Variants in RBM19 observed in about 807,000 individuals in gnomAD.
RBM19 encodes the protein RNA binding motif protein 19.
Under a neutral mutation model 116.8 loss-of-function variants are expected in RBM19, and 94 were observed. That is an observed-to-expected ratio of 0.80 (90% CI 0.68 to 0.95). The LOEUF (loss-of-function observed/expected upper bound fraction) is 0.95. RBM19 is among the 40% of genes least tolerant of loss of function. The pLI is 0.00. For synonymous variants in RBM19, 475 were observed against 494.1 expected (o/e 0.96, Z 0.51); for missense variants, 1,161 against 1,220.7 (o/e 0.95, Z 0.73).
chr12:113,948,408 G>A (rs1871216878), intron 10 of RBM19, among the ~76,000 whole-genome samples: 1 of 152,172 alleles, frequency 6.6e-6, no homozygotes, highest in African/African-American at 2.4e-5. Context: ...TGGATAAGAA[G>A]ACTTTACATA....
intron 6 of RBM19, 68 bp from the exon 7 acceptor site, chr12:113,955,279 A>C: frequency 6.8e-7 from 1 of 1,468,056 alleles, no homozygotes; most frequent in Non-Finnish European, 9.5e-7. Context: ...GAGGTGGCAC[A>C]CTGGGACATT....
chr12:113,875,161 C>T (rs561734406), intron 21 of RBM19, among the ~76,000 whole-genome samples: 2 of 152,320 alleles, frequency 1.3e-5, no homozygotes, highest in Non-Finnish European at 2.9e-5. Flanking sequence ...AGCACGGGAG[C>T]GAGTGATTCA....
chr12:113,943,220 TGTCA>T (rs1487275912), intron 13 of RBM19, among the ~76,000 whole-genome samples: 1 of 152,234 alleles, frequency 6.6e-6, no homozygotes, highest in African/African-American at 2.4e-5. Flanking sequence ...TCTGCTAATG[TGTCA>T]GTGTCTTTTC....
intron 21 of RBM19, among the ~76,000 whole-genome samples, chr12:113,906,337 A>G (rs1882042919): frequency 6.6e-6 from 1 of 152,260 alleles, no homozygotes. Flanking sequence ...AAATAGAATG[A>G]TGATCAAAGA....
intron 21 of RBM19, among the ~76,000 whole-genome samples, chr12:113,912,200 CGGGGT>C: frequency 6.6e-6 from 1 of 152,192 alleles, no homozygotes. Context: ...CTCCAGCAGG[CGGGGT>C]AGCTTGAGGC....
intron 21 of RBM19, among the ~76,000 whole-genome samples, chr12:113,862,310 G>A (rs1411314833): frequency 1.3e-5 from 2 of 152,140 alleles, no homozygotes; most frequent in Non-Finnish European, 2.9e-5. Flanking sequence ...CAAAATCGAG[G>A]CGAGATCTTT....
chr12:113,927,178 T>C lies in RBM19; in HGVS notation c.2120A>G (p.Asp707Gly), dbSNP rs889934503. Residue 707 changes from aspartate to glycine, a missense_variant, in exon 17 of 24, where the codon GAC becomes GGC. By Grantham distance (94) the Asp-to-Gly change is moderately conservative. Coordinates refer to ENST00000261741, the MANE Select transcript of RBM19 (RefSeq NM_016196.4). ...CTCTTCCATCTTTGCTGAAGAGTTG[T>C]CTGCTCCTTCCTCTGTTGGATTTTC... Reference protein sequence around the residue: ...EDENPTEEGADNSSAKMEEEE... With the variant: ...EDENPTEEGAGNSSAKMEEEE... The C allele has an allele frequency of 2.5e-6, 4 of 1,591,046 alleles. No homozygotes were observed. Among genetic ancestry groups the C allele is most frequent in the Non-Finnish European group, 3.4e-6 (4 of 1,168,050 alleles).
At chr12:113,859,053 A>G (rs1213781192) in intron 21 of RBM19, 157 bp from the exon 22 acceptor site, 3 of 669,216 alleles carry the variant, frequency 4.5e-6, no homozygotes, top group Non-Finnish European at 7.8e-6. Flanking sequence ...CAGGGGCATG[A>G]GCAGCCTTCT....
intron 13 of RBM19, among the ~76,000 whole-genome samples, chr12:113,944,393 C>G (rs117257561): frequency 0.041 from 6,300 of 151,982 alleles, 331 homozygotes; most frequent in Admixed American, 0.15. Flanking sequence ...CCACCGTTCC[C>G]AACCCAGATG....
Position 113,927,171 on chromosome 12 carries a change from A to G in RBM19, c.2127T>C (p.Ser709=). 6.3e-7 allele frequency: 1 copy of G among 1,596,706 alleles called. No homozygotes were observed. Among genetic ancestry groups the G allele is most frequent in the East Asian group, 2.3e-5 (1 of 44,340 alleles). The part of the protein sequence containing the change: ...ENPTEEGADN[S]SAKMEEEEEE... Reference sequence around the variant, plus strand: ...CCTCCTCCTCTTCCATCTTTGCTGAAGAGTTGTCTGCTCCTTCCTCTGTTG... The same window carrying G: ...CCTCCTCCTCTTCCATCTTTGCTGAGGAGTTGTCTGCTCCTTCCTCTGTTG... The change falls in exon 17 of 24, where the codon TCT becomes TCC. Residue 709 remains serine (S), a synonymous_variant. Coordinates refer to ENST00000261741, the MANE Select transcript of RBM19 (RefSeq NM_016196.4).
rs1328905404 is a variant in RBM19 at position 113,837,244 on chromosome 12, A to AACACACACACACACAC, written c.2785+7423_2785+7424insGTGTGTGTGTGTGTGT. ...GCCCAGGCTTATAACCCATCCTCCTAATACACACACACACACACACACACA... is the reference window on the plus strand; with the variant it reads ...GCCCAGGCTTATAACCCATCCTCCTAACACACACACACACACATACACACACACACACACACACACA... On this transcript the variant is annotated intron_variant, in intron 23 of 23. Transcript: ENST00000261741. Among the ~76,000 whole-genome samples, 8 of 13,592 alleles carry AACACACACACACACAC rather than the reference A, an allele frequency of 5.9e-4. No individual in the cohort carries two copies. In the East Asian group the frequency reaches 0.042, roughly 72 times the overall value. 8.9% of individuals were successfully genotyped at this position (13,592 alleles called of 152,430 possible).
intron 21 of RBM19, among the ~76,000 whole-genome samples, chr12:113,865,818 T>C (rs1257324305): frequency 6.7e-6 from 1 of 149,196 alleles, no homozygotes; most frequent in Non-Finnish European, 1.5e-5. Context: ...CAATGAATCA[T>C]CACAGCAAGA....
downstream of RBM19, among the ~76,000 whole-genome samples, chr12:113,821,028 C>A (rs1267743934): frequency 2.0e-5 from 3 of 152,198 alleles, no homozygotes; most frequent in African/African-American, 7.2e-5. Context: ...CCTGATAACG[C>A]TTTTGTGACG....
At chr12:113,946,692 C>T (rs1360917608) in intron 11 of RBM19, among the ~76,000 whole-genome samples, 1 of 152,122 alleles carries the variant, frequency 6.6e-6, no homozygotes, top group African/African-American at 2.4e-5. Context: ...GCTACACACA[C>T]AAAACTTCGA....
In RBM19 at chr12:113,957,784, C is replaced by T. The variant is rs572605746; in HGVS notation, c.838G>A (p.Glu280Lys). The change falls in exon 6 of 24, where the codon GAG becomes AAG. Residue 280 changes from glutamate (E) to lysine (K), a missense_variant and splice_region_variant. Coordinates refer to ENST00000261741, the MANE Select transcript of RBM19 (RefSeq NM_016196.4). The stretch of plus-strand genomic sequence containing the variant: ...TCACCTGCGGGATACACACGCACCT[C>T]GGCTCTGGCCTCCGGTGGTCTCTTT... ...GKKRPPEARAETEKPANQKEP... is the reference protein window; with the variant it reads ...GKKRPPEARAKTEKPANQKEP... The T allele has an allele frequency of 1.5e-5, 23 of 1,583,562 alleles. No individual in the cohort carries two copies. The highest frequency in any genetic ancestry group is 7.0e-5 in the South Asian group (6 of 85,750).
chr12:113,862,467 G>T (rs1478691581), intron 21 of RBM19, among the ~76,000 whole-genome samples: 2 of 152,180 alleles, frequency 1.3e-5, no homozygotes, highest in African/African-American at 4.8e-5. Context: ...AAAAAAGGTT[G>T]GGGGAGAAGA....
intron 21 of RBM19, among the ~76,000 whole-genome samples, chr12:113,892,675 G>A (rs1250420925): frequency 2.0e-5 from 3 of 152,252 alleles, no homozygotes; most frequent in South Asian, 2.1e-4. Context: ...GAACAGAGAC[G>A]GGGAAGAGAG....
chr12:113,895,929 C>T (rs1378054798), intron 21 of RBM19, among the ~76,000 whole-genome samples: 1 of 151,318 alleles, frequency 6.6e-6, no homozygotes, highest in African/African-American at 2.4e-5. Flanking sequence ...ATATACATTT[C>T]GTTCTCTCTC....
intron 5 of RBM19, among the ~76,000 whole-genome samples, chr12:113,958,992 C>T (rs185977080): frequency 6.6e-6 from 1 of 152,338 alleles, no homozygotes; most frequent in East Asian, 1.9e-4. Flanking sequence ...GTATGCCTGG[C>T]AGATAATAGG....
Sources: allele counts gnomAD v4.1 joint callset (sites outside exome capture counted in the v4.1 genomes callset), GRCh38; gene constraint gnomAD v4.1.1; transcripts MANE v1.5; gene names NCBI Gene and HGNC (gene_info 2026-07-23, HGNC 2026-07-21).